The following SFMBT2 variants were observed in gnomAD, a reference collection of about 807,000 sequenced individuals.
SFMBT2 encodes scm-like with four MBT domains protein 2.
SFMBT2 carries 38 observed loss-of-function variants against 110.1 expected under a neutral mutation model. The ratio of observed to expected loss-of-function variants is 0.35; its 90% CI spans 0.27 to 0.45. The LOEUF is 0.45. Among genes scored for constraint, SFMBT2 ranks in the 20% least tolerant of loss-of-function variants. The pLI, the probability that SFMBT2 is intolerant of heterozygous loss-of-function variation, is 1.00. For synonymous variants in SFMBT2, 425 were observed against 425.4 expected, an observed-to-expected ratio of 1.00 and a Z score of 0.01; for missense variants, 1,011 against 1,094.9, an observed-to-expected ratio of 0.92 and a Z score of 1.08.
intron 1 of SFMBT2, among the ~76,000 whole-genome samples, chr10:7,383,899 T>C (rs1288942834): frequency 1.3e-5 from 2 of 152,008 alleles, no homozygotes; most frequent in Non-Finnish European, 2.9e-5. Flanking sequence ...TCCTAAACAG[T>C]TTCTTCAGCT....
intron 9 of SFMBT2, among the ~76,000 whole-genome samples, chr10:7,240,056 T>C (rs2131708761): frequency 6.6e-6 from 1 of 152,240 alleles, no homozygotes; most frequent in East Asian, 1.9e-4. Context: ...TGTGTTACCT[T>C]TTAATAGGTA....
intron 7 of SFMBT2, among the ~76,000 whole-genome samples, chr10:7,251,423 G>A (rs570172091): frequency 1.3e-4 from 20 of 151,846 alleles, no homozygotes; most frequent in African/African-American, 4.4e-4. Flanking sequence ...GCAATGAGCC[G>A]AGATCACACC....
intron 4 of SFMBT2, among the ~76,000 whole-genome samples, chr10:7,297,852 G>A (rs10905149): frequency 0.38 from 58,161 of 152,054 alleles, 11,855 homozygotes; most frequent in East Asian, 0.74. Flanking sequence ...ATGTGGCCTC[G>A]ACACCTGTAT....
At chr10:7,359,764 C>T (rs12259580) in intron 4 of SFMBT2, among the ~76,000 whole-genome samples, 4,703 of 152,318 alleles carry the variant, frequency 0.031, 218 homozygotes, top group African/African-American at 0.11. Context: ...TTCTGGACAG[C>T]AGCTTTCTAC....
intron 9 of SFMBT2, among the ~76,000 whole-genome samples, chr10:7,229,838 A>C (rs1289422719): frequency 6.6e-6 from 1 of 150,710 alleles, no homozygotes; most frequent in African/African-American, 2.4e-5. Context: ...CTCCTGCCTC[A>C]GCCTCCTGAG....
chr10:7,322,188 C>T (rs1007192378), intron 4 of SFMBT2, among the ~76,000 whole-genome samples: 3 of 152,200 alleles, frequency 2.0e-5, no homozygotes, highest in Non-Finnish European at 4.4e-5. Context: ...GTGAATGAGT[C>T]TCACTAAATC....
rs377470464 is a variant in SFMBT2 at position 7,381,961 on chromosome 10, C to CAA, written c.-51-14_-51-13dup. ...GCAGAAAAAATTACCTAAGAGCAAT[C>CAA]AAAAAAAAAAAAATCAGAGCAGTTT... is the stretch of plus-strand genomic sequence containing the variant. On this transcript the variant is annotated splice_polypyrimidine_tract_variant and intron_variant, in intron 1 of 20. Coordinates refer to ENST00000397167, the MANE Select transcript of SFMBT2 (RefSeq NM_001387889.1). 859 of 1,026,348 alleles carry CAA rather than the reference C, an allele frequency of 8.4e-4. No homozygotes were observed. Among genetic ancestry groups the CAA allele is most frequent in the African/African-American group, 4.1e-3 (234 of 57,392 alleles). 63.6% of individuals were successfully genotyped at this position (1,026,348 alleles called of 1,614,324 possible).
At chr10:7,344,278 C>T (rs1844030219) in intron 4 of SFMBT2, among the ~76,000 whole-genome samples, 1 of 152,124 alleles carries the variant, frequency 6.6e-6, no homozygotes, top group South Asian at 2.1e-4. Flanking sequence ...CCAAATCTCA[C>T]CTAAAATTAT....
At chr10:7,380,793 T>C (rs969041486) in intron 2 of SFMBT2, among the ~76,000 whole-genome samples, 1 of 152,180 alleles carries the variant, frequency 6.6e-6, no homozygotes, top group East Asian at 1.9e-4. Flanking sequence ...ATCACACTTA[T>C]AATCTCAGCA....
At chr10:7,392,045 G>A (rs183117734) in intron 1 of SFMBT2, among the ~76,000 whole-genome samples, 1 of 152,210 alleles carries the variant, frequency 6.6e-6, no homozygotes, top group East Asian at 1.9e-4. Context: ...CTACATCTCT[G>A]ATGTCTCCTT....
At chr10:7,235,168 C>T (rs10905125) in intron 9 of SFMBT2, among the ~76,000 whole-genome samples, 39,417 of 151,982 alleles carry the variant, frequency 0.26, 5,307 homozygotes, top group South Asian at 0.38. Flanking sequence ...CCCTCATGGA[C>T]CAGACATTGT....
rs1273951816 is a variant in SFMBT2 at position 7,220,509 on chromosome 10, T to C, written c.1232A>G (p.Asn411Ser). The C allele has an allele frequency of 6.2e-7, 1 of 1,614,156 alleles. No homozygotes were observed. The highest frequency in any genetic ancestry group is 1.3e-5 in the African/African-American group (1 of 75,036). The change falls in exon 11 of 21, where the codon AAC becomes AGC. Residue 411 changes from asparagine to serine, a missense_variant. Around this residue, in one of 2 missense-constraint regions of SFMBT2, gnomAD observed 979 missense variants for 1,016.1 expected, o/e 0.96. Transcript: ENST00000397167. Reference protein sequence around the residue: ...NTSFSRGFTKNMKLEAVNPRN... With the variant: ...NTSFSRGFTKSMKLEAVNPRN... Reference sequence around the variant, plus strand: ...GGGGTTCACAGCTTCAAGTTTCATGTTCTTTGTGAAACCTCGACTGAATGA... The same window carrying C: ...GGGGTTCACAGCTTCAAGTTTCATGCTCTTTGTGAAACCTCGACTGAATGA...
chr10:7,200,009 G>A (rs1051128597), intron 14 of SFMBT2, among the ~76,000 whole-genome samples: 5 of 152,082 alleles, frequency 3.3e-5, no homozygotes, highest in East Asian at 1.9e-4. Context: ...TCAAAAGCTC[G>A]GGGCGACTTA....
chr10:7,289,997 C>A (rs1246936397), intron 4 of SFMBT2, among the ~76,000 whole-genome samples: 1 of 152,194 alleles, frequency 6.6e-6, no homozygotes, highest in Non-Finnish European at 1.5e-5. Flanking sequence ...CAACTCAGCA[C>A]TCTCAGCTGT....
intron 16 of SFMBT2, among the ~76,000 whole-genome samples, chr10:7,185,753 A>AT (rs1838383561): frequency 6.6e-6 from 1 of 152,152 alleles, no homozygotes; most frequent in Non-Finnish European, 1.5e-5. Flanking sequence ...CAGTCTTTTT[A>AT]TTTTCCCTCA....
intron 4 of SFMBT2, among the ~76,000 whole-genome samples, chr10:7,353,590 C>T (rs563064152): frequency 1.1e-4 from 17 of 152,052 alleles, no homozygotes; most frequent in African/African-American, 3.9e-4. Context: ...TCATATACCC[C>T]CCATACAAGA....
At chr10:7,393,031 ATATAAT>A (rs1845823511) in intron 1 of SFMBT2, among the ~76,000 whole-genome samples, 3 of 32,518 alleles carry the variant, frequency 9.2e-5, no homozygotes, top group South Asian at 1.8e-3. Flanking sequence ...ATATATATAT[ATATAAT>A]TTTTTTTTTT....
chr10:7,349,333 CA>C (rs1324322958), intron 4 of SFMBT2, among the ~76,000 whole-genome samples: 1 of 151,686 alleles, frequency 6.6e-6, no homozygotes, highest in East Asian at 1.9e-4. Context: ...AGGCTTGGTT[CA>C]GAACCACCAT....
At chr10:7,337,944 G>A (rs910926405) in intron 4 of SFMBT2, among the ~76,000 whole-genome samples, 39 of 152,144 alleles carry the variant, frequency 2.6e-4, no homozygotes, top group Non-Finnish European at 5.1e-4. Context: ...AACACAGCTT[G>A]TCCTCACCTC....
Sources: allele counts gnomAD v4.1 joint callset (sites outside exome capture counted in the v4.1 genomes callset), GRCh38; gene constraint gnomAD v4.1.1; regional missense constraint gnomAD v4.1.1; transcripts MANE v1.5; gene names NCBI Gene and HGNC (gene_info 2026-07-23, HGNC 2026-07-21).